The following AKAP1 variants were observed in gnomAD, a reference collection of about 807,000 sequenced individuals.
AKAP1 encodes the protein A-kinase anchor protein 1, mitochondrial.
Under a neutral mutation model 79.8 loss-of-function variants are expected in AKAP1, and 32 were observed. The ratio of observed to expected loss-of-function variants is 0.40; its 90% CI spans 0.30 to 0.54. The LOEUF (loss-of-function observed/expected upper bound fraction) is 0.54, where lower values mean the gene tolerates loss of function less well. Among genes scored for constraint, AKAP1 ranks in the 20% least tolerant of loss-of-function variants. The probability of loss-of-function intolerance (pLI) is 0.47; values close to 1 mark genes in which losing one functional copy is unlikely to be tolerated. For synonymous variants in AKAP1, 416 were observed against 466.7 expected, an observed-to-expected ratio of 0.89 and a Z score of 1.40; for missense variants, 961 against 1,138.9, an observed-to-expected ratio of 0.84 and a Z score of 2.25.
intron 10 of AKAP1, 101 bp from the exon 11 acceptor site, chr17:57,120,149 G>A: frequency 2.0e-6 from 2 of 1,003,998 alleles, no homozygotes; most frequent in Non-Finnish European, 3.1e-6. Flanking sequence ...TCATACATCT[G>A]TTGCCTGCAG....
At chr17:57,089,284 A>C (rs1048364457) in intron 1 of AKAP1, among the ~76,000 whole-genome samples, 1 of 152,166 alleles carries the variant, frequency 6.6e-6, no homozygotes, top group Non-Finnish European at 1.5e-5. Flanking sequence ...CTTAAGGGGA[A>C]AAAAAACAAC....
intron 8 of AKAP1, among the ~76,000 whole-genome samples, chr17:57,117,300 G>T (rs1310964514): frequency 6.6e-6 from 1 of 152,166 alleles, no homozygotes; most frequent in Admixed American, 6.5e-5. Flanking sequence ...GGCACAGTGG[G>T]GACACCCTAT....
intron 1 of AKAP1, chr17:57,094,512 G>A (rs1913976321): frequency 6.6e-6 from 1 of 152,136 alleles, no homozygotes; most frequent in African/African-American, 2.4e-5. Context: ...GCCAGGCCAG[G>A]CCAGCAGAAG....
chr17:57,113,358 G>C (rs1308395364), intron 5 of AKAP1, among the ~76,000 whole-genome samples: 2 of 152,014 alleles, frequency 1.3e-5, no homozygotes, highest in Non-Finnish European at 2.9e-5. Flanking sequence ...CAGATGGGCT[G>C]ACTATAGCTC....
intron 2 of AKAP1, chr17:57,107,874 T>G: frequency 9.9e-7 from 1 of 1,007,888 alleles, no homozygotes; most frequent in Non-Finnish European, 1.4e-6. Context: ...TGAATACTTG[T>G]GGGAGGCTTG....
chr17:57,111,177 G>A (rs1412065487), intron 3 of AKAP1, among the ~76,000 whole-genome samples: 1 of 152,212 alleles, frequency 6.6e-6, no homozygotes, highest in Non-Finnish European at 1.5e-5. Context: ...CGGTTGTGTG[G>A]GAGCCCATCT....
intron 1 of AKAP1, among the ~76,000 whole-genome samples, chr17:57,104,151 G>C (rs1434138398): frequency 6.6e-6 from 1 of 152,100 alleles, no homozygotes; most frequent in African/African-American, 2.4e-5. Context: ...GTAGAGACAG[G>C]GTTTCACCGT....
At chr17:57,119,703 A>G (rs554110510) in intron 10 of AKAP1, among the ~76,000 whole-genome samples, 1 of 152,142 alleles carries the variant, frequency 6.6e-6, no homozygotes, top group East Asian at 1.9e-4. Flanking sequence ...TGACAGAGCA[A>G]GACTCTGTCT....
rs76248470 is a variant in AKAP1 at position 57,086,627 on chromosome 17, G to A, written c.-25+1229G>A. ...GGGTATCTTTCCCCTACTGTAGTGC[G>A]CGTTACTTCGTGTTTAGATTTGTCT... On this transcript the variant is annotated intron_variant, in intron 1 of 10. Transcript: ENST00000337714. The surrounding 1 kb of genome is among the most constrained non-coding windows in gnomAD (Gnocchi z 5.1). The A allele has an allele frequency of 6.0e-6, 2 of 331,790 alleles. No homozygotes were observed. Among genetic ancestry groups the A allele is most frequent in the African/African-American group, 4.5e-5 (2 of 44,714 alleles). 20.6% of individuals were successfully genotyped at this position (331,790 alleles called of 1,614,324 possible). A position where few individuals can be genotyped will look rare whatever the true frequency, so the allele number is the denominator to read the frequency against.
At position 57,098,821 on chromosome 17, in the gene AKAP1, G is replaced by A. The variant is rs1478374568; in HGVS notation, c.-24-6620G>A. Among the ~76,000 whole-genome samples the A allele has an allele frequency of 2.1e-4, 31 of 150,092 alleles. 1 individual carries two copies. The highest frequency in any genetic ancestry group is 7.6e-4 in the African/African-American group (31 of 40,774). On this transcript the variant is annotated intron_variant, in intron 1 of 10. Coordinates refer to ENST00000337714, the MANE Select transcript of AKAP1 (RefSeq NM_003488.4). ...CTGTTGCCCAGGCTGGACTGCAGTG[G>A]TGCGATCTCAGCTCACTGCAAGCTC...
chr17:57,102,298 T>A (rs1486743015), intron 1 of AKAP1, among the ~76,000 whole-genome samples: 1 of 152,006 alleles, frequency 6.6e-6, no homozygotes, highest in Non-Finnish European at 1.5e-5. Flanking sequence ...GATTTCAGAG[T>A]TGTAGGATGT....
intron 8 of AKAP1, 135 bp from the exon 9 acceptor site, chr17:57,118,246 A>G: frequency 1.3e-6 from 1 of 752,890 alleles, no homozygotes; most frequent in Non-Finnish European, 2.3e-6. Flanking sequence ...ACCTGGGTGG[A>G]TCTCCCCAGT....
At chr17:57,102,933 A>T (rs1914616565) in intron 1 of AKAP1, among the ~76,000 whole-genome samples, 1 of 152,130 alleles carries the variant, frequency 6.6e-6, no homozygotes, top group Non-Finnish European at 1.5e-5. Context: ...TACAAAAATT[A>T]GCCAAGTGTG....
intron 2 of AKAP1, among the ~76,000 whole-genome samples, chr17:57,108,895 C>T (rs1333213861): frequency 6.6e-6 from 1 of 152,040 alleles, no homozygotes; most frequent in Non-Finnish European, 1.5e-5. Context: ...CAGAGCTCCC[C>T]GCCCCCTCGC....
At position 57,086,029 on chromosome 17, in the gene AKAP1, C is replaced by T. The variant is rs978154692; in HGVS notation, c.-25+631C>T. Reference sequence around the variant, plus strand: ...GGACATCGGCCGGTTGTGATCCAACCGTGTTTCGGGCTGAGGGACCGTTCG... The same window carrying T: ...GGACATCGGCCGGTTGTGATCCAACTGTGTTTCGGGCTGAGGGACCGTTCG... On this transcript the variant is annotated intron_variant, in intron 1 of 10. Transcript: ENST00000337714. The surrounding 1 kb of genome is among the most constrained non-coding windows in gnomAD (Gnocchi z 5.1). 1 of 188,840 alleles carries T rather than the reference C, an allele frequency of 5.3e-6. No individual in the cohort carries two copies. Among genetic ancestry groups the T allele is most frequent in the Non-Finnish European group, 1.1e-5 (1 of 88,438 alleles). The allele number at this position is 188,840 out of a possible 1,614,324, so 11.7% of individuals were successfully genotyped here. A position where few individuals can be genotyped will look rare whatever the true frequency, so the allele number is the denominator to read the frequency against.
At chr17:57,089,995 TC>T (rs1297303460) in intron 1 of AKAP1, among the ~76,000 whole-genome samples, 3 of 152,248 alleles carry the variant, frequency 2.0e-5, no homozygotes, top group Non-Finnish European at 4.4e-5. Context: ...CCTGATGACT[TC>T]CTACAGATCT....
intron 1 of AKAP1, among the ~76,000 whole-genome samples, chr17:57,087,370 T>A (rs1913524530): frequency 6.6e-6 from 1 of 152,090 alleles, no homozygotes; most frequent in Non-Finnish European, 1.5e-5. Flanking sequence ...TGGAGGTGTC[T>A]GTTGTAAGTG....
intron 8 of AKAP1, 144 bp downstream of exon 8, chr17:57,117,071 G>A: frequency 1.2e-6 from 1 of 860,378 alleles, no homozygotes; most frequent in Non-Finnish European, 1.9e-6. Flanking sequence ...ATAGGTCTGG[G>A]CTTAGGCCCA....
At chr17:57,115,562 T>C (rs1915530126) in intron 6 of AKAP1, among the ~76,000 whole-genome samples, 1 of 152,150 alleles carries the variant, frequency 6.6e-6, no homozygotes, top group African/African-American at 2.4e-5. Flanking sequence ...AGTGACTCCT[T>C]GATCCTGGGT....
Sources: allele counts gnomAD v4.1 joint callset (sites outside exome capture counted in the v4.1 genomes callset), GRCh38; gene constraint gnomAD v4.1.1; non-coding constraint Gnocchi (gnomAD v3.1); transcripts MANE v1.5; gene names NCBI Gene and HGNC (gene_info 2026-07-23, HGNC 2026-07-21).